The following RBM5 variants were observed in gnomAD, a reference collection of about 807,000 sequenced individuals.
RBM5 encodes RNA-binding protein 5.
Under a neutral mutation model 124.6 loss-of-function variants are expected in RBM5, and 15 were observed. That is an observed-to-expected ratio of 0.12 (90% CI 0.08 to 0.19). The LOEUF (loss-of-function observed/expected upper bound fraction) is 0.19, where lower values mean the gene tolerates loss of function less well. Among genes scored for constraint, RBM5 ranks in the 10% least tolerant of loss-of-function variants. The pLI is 1.00. For synonymous variants in RBM5, 337 were observed against 361.2 expected (o/e 0.93, Z 0.76); for missense variants, 580 against 1,026.5 (o/e 0.57, Z 5.94).
chr3:50,118,528 GTC>G lies in RBM5; in HGVS notation c.*76_*77del. The G allele has an allele frequency of 6.5e-7, 1 of 1,549,200 alleles. No individual in the cohort carries two copies. Among genetic ancestry groups the G allele is most frequent in the Non-Finnish European group, 8.8e-7 (1 of 1,141,954 alleles). ...TCTCCCGAATTCGCTGTTACCGCCT[GTC>G]TCTTTAAGGGCATGCCTTGTGCTGT... is the stretch of plus-strand genomic sequence containing the variant. On this transcript the variant is annotated 3_prime_UTR_variant, in exon 25 of 25. Coordinates refer to ENST00000347869, the MANE Select transcript of RBM5 (RefSeq NM_005778.4).
rs757295979 is a variant in RBM5, at chr3:50,117,085, A to T, written c.2106A>T (p.Arg702=). Residue 702 remains arginine (R), a synonymous_variant, in exon 23 of 25, where the codon CGA becomes CGT. Coordinates refer to ENST00000347869, the MANE Select transcript of RBM5 (RefSeq NM_005778.4). This position sits in a 1 kb window ranked among gnomAD's most constrained non-coding sequence, Gnocchi z 4.2. ...TTTCTCCCATGTAGATGAAATACCG[A>T]GACCGAGCTGCAGAAAGACGGGAGA... is the stretch of plus-strand genomic sequence containing the variant. ...LELREREMKY[R]DRAAERREKY... is the part of the protein sequence containing the mutation. 1.9e-6 allele frequency: 3 copies of T among 1,614,198 alleles called. No individual in the cohort carries two copies. In the Admixed American group the frequency reaches 5.0e-5, roughly 27 times the overall value.
chr3:50,099,115 T>A (rs1315199751), intron 4 of RBM5, among the ~76,000 whole-genome samples: 1 of 151,716 alleles, frequency 6.6e-6, no homozygotes, highest in Non-Finnish European at 1.5e-5. Flanking sequence ...ATTAACCAGG[T>A]GTGGTGGTGT....
At chr3:50,094,096 ATT>A (rs1164279260) in intron 4 of RBM5, 1 of 441,192 alleles carries the variant, frequency 2.3e-6, no homozygotes, top group East Asian at 3.3e-5. Context: ...CATGAAATTC[ATT>A]TGTATTTTGT....
chr3:50,113,305 C>CTT (rs11375869), intron 17 of RBM5, 78 bp from the exon 18 acceptor site: 2 of 1,449,440 alleles, frequency 1.4e-6, no homozygotes, highest in African/African-American at 2.9e-5. Context: ...CATACTTTAT[C>CTT]TTTTTTTTGA....
In RBM5 at chr3:50,113,969, G is replaced by A; in HGVS notation, c.1637G>A (p.Arg546His). ...TAQQIAKDMERWAKSLNKQKE... is the reference protein window; with the variant it reads ...TAQQIAKDMEHWAKSLNKQKE... ...CATTAGATTGCCAAAGACATGGAAC[G>A]CTGGGCTAAGAGTTTGAATAAGCAG... The change falls in exon 19 of 25, where the codon CGC becomes CAC. Residue 546 changes from arginine (R) to histidine (H), a missense_variant. This residue lies in a region of RBM5 where 234 missense variants were observed against 435.1 expected (regional missense o/e 0.54). Coordinates refer to ENST00000347869, the MANE Select transcript of RBM5 (RefSeq NM_005778.4). 2 of 1,613,018 alleles carry A rather than the reference G, an allele frequency of 1.2e-6. No individual in the cohort carries two copies. Among genetic ancestry groups the A allele is most frequent in the Non-Finnish European group, 1.7e-6 (2 of 1,179,674 alleles).
chr3:50,110,664 AT>A lies in RBM5; in HGVS notation c.1364-11del. The stretch of plus-strand genomic sequence containing the variant: ...CTTACCTGGAATGACTGTATGCTGG[AT>A]TTTGTTTTTGCAGCAGTACCTGACA... On this transcript the variant is annotated splice_polypyrimidine_tract_variant and intron_variant, in intron 16 of 24. Coordinates refer to ENST00000347869, the MANE Select transcript of RBM5 (RefSeq NM_005778.4). The A allele has an allele frequency of 1.2e-6, 2 of 1,600,980 alleles. No individual in the cohort carries two copies. The highest frequency in any genetic ancestry group is 8.5e-7 in the Non-Finnish European group (1 of 1,169,906).
chr3:50,105,572 C>G lies in RBM5; in HGVS notation c.718C>G (p.Pro240Ala). 1 of 1,614,126 alleles carries G rather than the reference C, an allele frequency of 6.2e-7. No homozygotes were observed. Among genetic ancestry groups the G allele is most frequent in the Non-Finnish European group, 8.5e-7 (1 of 1,180,010 alleles). ...CDTIILRNIA[P>A]HTVVDSIMTA... is the part of the protein sequence containing the mutation. ...AGCGATCATTCTTCGGAACATAGCT[C>G]CGCACACTGTGGTGGATTCCATCAT... The change falls in exon 10 of 25, where the codon CCG becomes GCG. Residue 240 changes from proline (P) to alanine (A), a missense_variant. Pro to Ala is a conservative substitution (Grantham distance 27). Around this residue, in one of 6 missense-constraint regions of RBM5, gnomAD observed 101 missense variants for 223.2 expected, o/e 0.45. Transcript: ENST00000347869.
At chr3:50,091,325 T>A (rs1001802065) in intron 2 of RBM5, among the ~76,000 whole-genome samples, 7 of 152,240 alleles carry the variant, frequency 4.6e-5, no homozygotes, top group Non-Finnish European at 8.8e-5. Context: ...TCCTTTGCCT[T>A]ATGATTGCAC....
rs755575923 is a variant in RBM5 at position 50,118,465 on chromosome 3, G to T, written c.*9G>T. 1.9e-6 allele frequency: 3 copies of T among 1,612,544 alleles called. No homozygotes were observed. The highest frequency in any genetic ancestry group is 2.5e-6 in the Non-Finnish European group (3 of 1,179,026). ...TCACTGAGATGGAGTGAGAGAGAGA[G>T]AGAGAGAGAGATGACAAGGAGCACA... On this transcript the variant is annotated 3_prime_UTR_variant, in exon 25 of 25. Coordinates refer to ENST00000347869, the MANE Select transcript of RBM5 (RefSeq NM_005778.4).
In RBM5 at chr3:50,117,454, A is replaced by G; in HGVS notation, c.2322+75A>G. The G allele has an allele frequency of 6.3e-7, 1 of 1,577,498 alleles. No individual in the cohort carries two copies. Among genetic ancestry groups the G allele is most frequent in the Non-Finnish European group, 8.6e-7 (1 of 1,157,778 alleles). Reference sequence around the variant, plus strand: ...CCAGAGATGAGATCAGAGCACTCATAGAGCCTGGGAGCCAGGAGCAGCTTT... The same window carrying G: ...CCAGAGATGAGATCAGAGCACTCATGGAGCCTGGGAGCCAGGAGCAGCTTT... On this transcript the variant is annotated intron_variant, in intron 24 of 24. Transcript: ENST00000347869. This position sits in a 1 kb window ranked among gnomAD's most constrained non-coding sequence, Gnocchi z 4.2.
chr3:50,103,182 TC>T lies in RBM5; in HGVS notation c.567+19del, dbSNP rs1331264368. On this transcript the variant is annotated intron_variant, in intron 7 of 24. Transcript: ENST00000347869. ...TTGTAACAAGGTAAGCATATGTTCT[TC>T]CCAAATAGACAAAACTCCTTTAGGA... is the stretch of plus-strand genomic sequence containing the variant. 1 of 1,578,018 alleles carries T rather than the reference TC, an allele frequency of 6.3e-7. No homozygotes were observed. Among genetic ancestry groups the T allele is most frequent in the Non-Finnish European group, 8.7e-7 (1 of 1,148,014 alleles).
In RBM5 at chr3:50,111,346, T is replaced by TA. The variant is rs1276741731; in HGVS notation, c.1455+579dup. On this transcript the variant is annotated intron_variant, in intron 17 of 24. Coordinates refer to ENST00000347869, the MANE Select transcript of RBM5 (RefSeq NM_005778.4). ...CTCGAAGAAGAAACCCTGTACCTGT[T>TA]AAACAGTCACTCCCCATTCTGTACT... Among the ~76,000 whole-genome samples, 50 of 152,356 alleles carry TA rather than the reference T, an allele frequency of 3.3e-4. 1 individual carries two copies. Among genetic ancestry groups the TA allele is most frequent in the African/African-American group, 1.0e-3 (43 of 41,588 alleles).
At chr3:50,096,470 A>G (rs571953995) in intron 4 of RBM5, among the ~76,000 whole-genome samples, 15 of 152,262 alleles carry the variant, frequency 9.9e-5, no homozygotes, top group African/African-American at 3.1e-4. Flanking sequence ...CCTGAGCGAC[A>G]GAGCAAGACC....
chr3:50,110,854 G>T, intron 17 of RBM5, 84 bp downstream of exon 17: 2 of 1,119,390 alleles, frequency 1.8e-6, no homozygotes, highest in Non-Finnish European at 1.3e-6. Flanking sequence ...AATATTTCCT[G>T]CAAAAGAATA....
chr3:50,093,865 C>G lies in RBM5; in HGVS notation c.329C>G (p.Thr110Arg). The G allele has an allele frequency of 6.2e-7, 1 of 1,610,826 alleles. No individual in the cohort carries two copies. ...CTGCGCGGCCTTCCCATCACCATCA[C>G]AGAGAGCGATGTAAGGGGAAATGAC... The part of the protein sequence containing the change: ...IMLRGLPITI[T>R]ESDIREMMES... Residue 110 changes from threonine to arginine, a missense_variant, in exon 4 of 25, where the codon ACA becomes AGA. Coordinates refer to ENST00000347869, the MANE Select transcript of RBM5 (RefSeq NM_005778.4).
intron 20 of RBM5, chr3:50,115,226 G>A: frequency 5.5e-6 from 3 of 546,634 alleles, no homozygotes; most frequent in Non-Finnish European, 9.4e-6. Context: ...CAAGAAGGTT[G>A]GTACCAGGAG....
intron 14 of RBM5, 140 bp downstream of exon 14, chr3:50,108,444 C>G: frequency 1.2e-6 from 1 of 840,552 alleles, no homozygotes. Context: ...CACGGTGGCT[C>G]ACGCCTGTAA....
At chr3:50,099,844 C>A (rs1354814336) in intron 4 of RBM5, 138 bp from the exon 5 acceptor site, 2 of 660,938 alleles carry the variant, frequency 3.0e-6, no homozygotes, top group African/African-American at 1.9e-5. Context: ...CCTGGGCAAT[C>A]AAGTGAGTGA....
At chr3:50,107,672 C>CTTTTTTTTTTTTTTTTTCTTTTTTTTT (rs2091061444) in intron 12 of RBM5, 103 bp downstream of exon 12, 1 of 97,172 alleles carries the variant, frequency 1.0e-5, no homozygotes. Flanking sequence ...CTTTTCTTTT[C>CTTTTTTTTTTTTTTTTTCTTTTTTTTT]TTTTTTTTTT....
Sources: gnomAD v4.1 joint callset for allele counts (sites outside exome capture counted in the v4.1 genomes callset) on GRCh38, gnomAD v4.1.1 for gene constraint, gnomAD v4.1.1 regional missense constraint, Gnocchi (gnomAD v3.1) non-coding constraint, MANE v1.5 for transcripts, NCBI Gene and HGNC (gene_info 2026-07-23, HGNC 2026-07-21) for gene names.